The following ASIC2 variants were observed in gnomAD, a reference collection of about 807,000 sequenced individuals.
ASIC2 encodes acid sensing ion channel subunit 2.
ASIC2 carries 25 observed loss-of-function variants against 57.3 expected under a neutral mutation model. That is an observed-to-expected ratio of 0.44 (90% CI 0.32 to 0.61). The LOEUF (loss-of-function observed/expected upper bound fraction) is 0.61. ASIC2 is among the 20% of genes least tolerant of loss of function. ASIC2 has a pLI of 0.06. For missense variants in ASIC2, 641 were observed against 738.1 expected, an observed-to-expected ratio of 0.87 and a Z score of 1.52; for synonymous variants, 319 against 307.5, an observed-to-expected ratio of 1.04 and a Z score of -0.39.
chr17:33,177,871 G>T (rs1905821779), intron 1 of ASIC2, among the ~76,000 whole-genome samples: 1 of 152,170 alleles, frequency 6.6e-6, no homozygotes, highest in South Asian at 2.1e-4. Flanking sequence ...AAAGGGGGCT[G>T]GTCTAGTCGT....
At chr17:33,697,269 TA>T (rs1908557844) in intron 1 of ASIC2, among the ~76,000 whole-genome samples, 1 of 152,212 alleles carries the variant, frequency 6.6e-6, no homozygotes, top group African/African-American at 2.4e-5. Context: ...GGTATCTCTT[TA>T]TAGCAATGTG....
At chr17:33,894,340 TGCG>T (rs1915036886) in intron 1 of ASIC2, among the ~76,000 whole-genome samples, 2 of 121,202 alleles carry the variant, frequency 1.7e-5, no homozygotes, top group Admixed American at 7.7e-5. Flanking sequence ...CGTGCGTGCG[TGCG>T]TGCGTGCGTG....
Position 33,861,659 on chromosome 17 carries a change from T to C in ASIC2, c.555+294319A>G, listed in dbSNP as rs181241734. On this transcript the variant is annotated intron_variant, in intron 1 of 9. Coordinates refer to the ASIC2 transcript ENST00000359872. ...CTCTTTTCTTCCCATCCTTTCTGCC[T>C]CTGAGAGGAAGGTGAAAAGGCTATC... is the stretch of plus-strand genomic sequence containing the variant. 4.6e-5 allele frequency among the ~76,000 whole-genome samples: 7 copies of C among 152,336 alleles called. No individual in the cohort carries two copies. The East Asian group carries it at 1.4e-3, about 29-fold the overall frequency.
chr17:33,410,574 C>T (rs1177593349), intron 1 of ASIC2, among the ~76,000 whole-genome samples: 1 of 152,182 alleles, frequency 6.6e-6, no homozygotes, highest in Non-Finnish European at 1.5e-5. Flanking sequence ...CTCCAGCCTC[C>T]CAGCCCATCC....
intron 1 of ASIC2, among the ~76,000 whole-genome samples, chr17:33,680,214 T>C (rs1468141669): frequency 1.3e-5 from 2 of 152,010 alleles, no homozygotes; most frequent in African/African-American, 2.4e-5. Flanking sequence ...AAGAGGCCCA[T>C]GGGAGGGAGG....
chr17:33,164,818 A>C (rs959803133), intron 1 of ASIC2, among the ~76,000 whole-genome samples: 3 of 151,978 alleles, frequency 2.0e-5, no homozygotes, highest in African/African-American at 7.3e-5. Flanking sequence ...CCCATGTCTA[A>C]ATTTCCCTAG....
chr17:33,362,040 T>A (rs531258255), intron 1 of ASIC2, among the ~76,000 whole-genome samples: 1 of 152,338 alleles, frequency 6.6e-6, no homozygotes, highest in Admixed American at 6.5e-5. Flanking sequence ...TGCTGTGTGT[T>A]ATACCTCGGG....
chr17:33,708,753 A>G (rs1011842022), intron 1 of ASIC2, among the ~76,000 whole-genome samples: 1 of 152,016 alleles, frequency 6.6e-6, no homozygotes, highest in Non-Finnish European at 1.5e-5. Flanking sequence ...CCTCTCCCAA[A>G]TCACAATCTC....
At chr17:33,895,783 T>C (rs940164018) in intron 1 of ASIC2, among the ~76,000 whole-genome samples, 1 of 152,176 alleles carries the variant, frequency 6.6e-6, no homozygotes, top group African/African-American at 2.4e-5. Flanking sequence ...TCCTGAAACA[T>C]TGAGATTCTC....
At position 33,525,929 on chromosome 17, in the gene ASIC2, G is replaced by A. The variant is rs200642932; in HGVS notation, c.556-413862C>T. On this transcript the variant is annotated intron_variant, in intron 1 of 9. Coordinates refer to the ASIC2 transcript ENST00000359872. ...GCATTTACTGCCTGTCCTGCTTTAGGCTGTAAGTTATCTTTCCACTCGTGG... is the reference window on the plus strand; with the variant it reads ...GCATTTACTGCCTGTCCTGCTTTAGACTGTAAGTTATCTTTCCACTCGTGG... Among the ~76,000 whole-genome samples, 3 of 152,124 alleles carry A rather than the reference G, an allele frequency of 2.0e-5. No individual in the cohort carries two copies. The East Asian group carries it at 5.8e-4, about 29-fold the overall frequency.
At chr17:33,229,154 T>C (rs1371346762) in intron 1 of ASIC2, among the ~76,000 whole-genome samples, 2 of 151,564 alleles carry the variant, frequency 1.3e-5, no homozygotes, top group East Asian at 3.9e-4. Context: ...TTCTCTGAGA[T>C]GGAAAGAGGT....
intron 1 of ASIC2, among the ~76,000 whole-genome samples, chr17:33,462,711 A>G (rs1912682003): frequency 6.6e-6 from 1 of 152,260 alleles, no homozygotes; most frequent in East Asian, 1.9e-4. Context: ...AGTATGATCT[A>G]TAAGTAGTTG....
intron 1 of ASIC2, among the ~76,000 whole-genome samples, chr17:33,829,640 G>C (rs1042494805): frequency 2.7e-5 from 4 of 150,664 alleles, no homozygotes; most frequent in South Asian, 2.1e-4. Flanking sequence ...GCAGTGGTGC[G>C]ATCTCAGCTC....
At chr17:33,416,612 G>A (rs1206395725) in intron 1 of ASIC2, among the ~76,000 whole-genome samples, 5 of 152,220 alleles carry the variant, frequency 3.3e-5, no homozygotes, top group Non-Finnish European at 7.3e-5. Context: ...GGCAGCTGAG[G>A]GAGGATGGGT....
intron 1 of ASIC2, among the ~76,000 whole-genome samples, chr17:33,599,428 T>C (rs1221455509): frequency 6.6e-6 from 1 of 152,134 alleles, no homozygotes; most frequent in Admixed American, 6.5e-5. Flanking sequence ...GGAGGCTGCC[T>C]TATCTTGAAC....
intron 1 of ASIC2, among the ~76,000 whole-genome samples, chr17:33,496,368 C>T (rs1368789584): frequency 6.6e-6 from 1 of 152,116 alleles, no homozygotes; most frequent in African/African-American, 2.4e-5. Flanking sequence ...GGCTCCTCTC[C>T]CACTGCGGTT....
At chr17:33,456,372 C>T (rs1912453113) in intron 1 of ASIC2, among the ~76,000 whole-genome samples, 1 of 152,058 alleles carries the variant, frequency 6.6e-6, no homozygotes, top group Non-Finnish European at 1.5e-5. Flanking sequence ...CCCAAATAGC[C>T]CCCAGGATGC....
At chr17:33,306,791 T>C (rs1187580886) in intron 1 of ASIC2, among the ~76,000 whole-genome samples, 1 of 152,182 alleles carries the variant, frequency 6.6e-6, no homozygotes, top group African/African-American at 2.4e-5. Context: ...TTAAAATCCG[T>C]CAATGGCCCT....
rs533511012 is a variant in ASIC2 at position 33,383,203 on chromosome 17, T to C, written c.556-271136A>G. Among the ~76,000 whole-genome samples the C allele has an allele frequency of 2.0e-5, 3 of 152,302 alleles. No homozygotes were observed. In the South Asian group the frequency reaches 6.2e-4, roughly 32 times the overall value. ...CCATAGCAATTTGAGTACCCCTCTC[T>C]TAGAGCACTTATTACGTGGATTTCA... is the stretch of plus-strand genomic sequence containing the variant. On this transcript the variant is annotated intron_variant, in intron 1 of 9. Coordinates refer to the ASIC2 transcript ENST00000359872.
Sources: allele counts gnomAD v4.1 joint callset (sites outside exome capture counted in the v4.1 genomes callset), GRCh38; gene constraint gnomAD v4.1.1; transcripts MANE v1.5; gene names NCBI Gene and HGNC (gene_info 2026-07-23, HGNC 2026-07-21).